MEI1: variants seen among roughly 807,000 people sequenced by gnomAD.
The protein encoded by MEI1 is meiosis inhibitor protein 1.
In MEI1, 103 loss-of-function variants were observed where a neutral mutation model predicts 146.2. That is an observed-to-expected ratio of 0.70 (90% CI 0.60 to 0.83). MEI1 has a LOEUF of 0.83. Ranked by LOEUF, MEI1 falls within the 40% of genes least tolerant of loss-of-function variation. The pLI is 0.00. For synonymous variants in MEI1, 652 were observed against 628.2 expected (o/e 1.04, Z -0.57); for missense variants, 1,529 against 1,533.0 (o/e 1.00, Z 0.04).
At chr22:41,792,430 T>C (rs537009560) in intron 26 of MEI1, among the ~76,000 whole-genome samples, 34 of 152,312 alleles carry the variant, frequency 2.2e-4, no homozygotes, top group African/African-American at 7.9e-4. Context: ...TTTTTACTAA[T>C]CTTTATGTTC....
chr22:41,781,230 T>C, intron 22 of MEI1, 54 bp from the exon 23 acceptor site: 1 of 1,317,258 alleles, frequency 7.6e-7, no homozygotes, highest in Non-Finnish European at 1.1e-6. Context: ...CTACCACCTA[T>C]GACAAGTGTG....
At chr22:41,790,674 A>G (rs1483553971) in intron 26 of MEI1, among the ~76,000 whole-genome samples, 2 of 151,294 alleles carry the variant, frequency 1.3e-5, no homozygotes, top group Non-Finnish European at 3.0e-5. Flanking sequence ...CTCACTTACA[A>G]CCTCTGCCTC....
intron 15 of MEI1, chr22:41,752,361 A>G (rs1241354926): frequency 5.6e-6 from 3 of 533,004 alleles, no homozygotes; most frequent in Non-Finnish European, 6.8e-6. Context: ...TTCTCCATAC[A>G]TTTATCTTAC....
chr22:41,777,006 G>A (rs754803369), intron 21 of MEI1, among the ~76,000 whole-genome samples: 20 of 151,660 alleles, frequency 1.3e-4, no homozygotes, highest in Non-Finnish European at 2.6e-4. Context: ...CAGGAGAGAC[G>A]GGGTTTCACC....
At chr22:41,716,273 C>T (rs2070143210) in intron 5 of MEI1, 127 bp downstream of exon 5, 7 of 630,866 alleles carry the variant, frequency 1.1e-5, no homozygotes, top group Middle Eastern at 3.6e-4. Context: ...TTCAGTTTCC[C>T]CGTCTGCAAA....
At chr22:41,749,253 G>A (rs2073569211) in intron 15 of MEI1, among the ~76,000 whole-genome samples, 1 of 150,562 alleles carries the variant, frequency 6.6e-6, no homozygotes, top group Admixed American at 6.7e-5. Context: ...GCCCTTGTTG[G>A]CCATGTGAGG....
In MEI1 at chr22:41,761,841, A is replaced by T. The variant is rs536099021; in HGVS notation, c.2121-1333A>T. Among the ~76,000 whole-genome samples the T allele has an allele frequency of 8.5e-5, 13 of 152,254 alleles. No individual in the cohort carries two copies. In the South Asian group the frequency reaches 2.5e-3, roughly 29 times the overall value. ...CTGTTCTGTCTCTTTGGAGTTACCTATTCTGAATATTTCACATAGATGGAA... is the reference window on the plus strand; with the variant it reads ...CTGTTCTGTCTCTTTGGAGTTACCTTTTCTGAATATTTCACATAGATGGAA... On this transcript the variant is annotated intron_variant, in intron 18 of 30. Coordinates refer to ENST00000401548, the MANE Select transcript of MEI1 (RefSeq NM_152513.4).
At chr22:41,755,868 G>A (rs1052148666) in intron 17 of MEI1, among the ~76,000 whole-genome samples, 1 of 152,064 alleles carries the variant, frequency 6.6e-6, no homozygotes, top group South Asian at 2.1e-4. Flanking sequence ...TGGGACATGC[G>A]CTATCCTCAC....
At chr22:41,776,332 C>T in intron 21 of MEI1, 65 bp downstream of exon 21, 1 of 1,543,030 alleles carries the variant, frequency 6.5e-7, no homozygotes, top group East Asian at 2.3e-5. Context: ...GCATCTCTAC[C>T]CTTGTTAGGT....
chr22:41,745,962 C>G lies in MEI1; in HGVS notation c.1616C>G (p.Thr539Ser). The G allele has an allele frequency of 6.2e-7, 1 of 1,613,458 alleles. No individual in the cohort carries two copies. The highest frequency in any genetic ancestry group is 1.1e-5 in the South Asian group (1 of 91,012). ...FTAPSAKKED[T>S]LEAFSEFLLS... The stretch of plus-strand genomic sequence containing the variant: ...GCTCCCAGCGCCAAGAAGGAAGACA[C>G]CTTGGAGGCCTTCTCAGAATTTCTT... The change falls in exon 14 of 31, where the codon ACC (threonine) becomes AGC (serine). Residue 539 changes from threonine (T) to serine (S), a missense_variant. By Grantham distance (58) the Thr-to-Ser change is moderately conservative (BLOSUM62 1). Around this residue, in one of 3 missense-constraint regions of MEI1, gnomAD observed 1,212 missense variants for 1,178.9 expected, o/e 1.03. Transcript: ENST00000401548.
chr22:41,747,709 A>G (rs1354085767), intron 14 of MEI1, among the ~76,000 whole-genome samples: 2 of 151,212 alleles, frequency 1.3e-5, no homozygotes, highest in Non-Finnish European at 2.9e-5. Flanking sequence ...GTCTCAAAGA[A>G]TAAAAAAAAC....
chr22:41,718,449 C>T (rs1388941509), intron 6 of MEI1, among the ~76,000 whole-genome samples, 175 bp downstream of exon 6: 1 of 152,184 alleles, frequency 6.6e-6, no homozygotes, highest in Admixed American at 6.5e-5. Flanking sequence ...GTTGGTATGA[C>T]ATCTTAAGAA....
Position 41,793,032 on chromosome 22 carries a change from C to CTTTTTTTTTTTT in MEI1, c.3346-777_3346-766dup, listed in dbSNP as rs869223251. 4.1e-5 allele frequency among the ~76,000 whole-genome samples: 2 copies of CTTTTTTTTTTTT among 48,450 alleles called. 1 individual carries two copies. The highest frequency in any genetic ancestry group is 1.1e-4 in the Non-Finnish European group (2 of 18,014). 31.8% of individuals were successfully genotyped at this position (48,450 alleles called of 152,430 possible). A position where few individuals can be genotyped will look rare whatever the true frequency, so the allele number is the denominator to read the frequency against. On this transcript the variant is annotated intron_variant, in intron 26 of 30. Transcript: ENST00000401548. ...ATCTTCTTTTCTGAAACAAAGCATT[C>CTTTTTTTTTTTT]TTTTTTTTTTTTTTTTTTTTTTTTT...
At chr22:41,754,558 C>G (rs1285728487) in intron 17 of MEI1, among the ~76,000 whole-genome samples, 1 of 152,086 alleles carries the variant, frequency 6.6e-6, no homozygotes, top group Non-Finnish European at 1.5e-5. Context: ...CTCAGCCTCC[C>G]AAGTAGCTGG....
At chr22:41,700,211 G>A (rs1306943792) in intron 1 of MEI1, among the ~76,000 whole-genome samples, 3 of 152,252 alleles carry the variant, frequency 2.0e-5, no homozygotes, top group Admixed American at 1.3e-4. Context: ...GGGCTCCGAG[G>A]GGACAGGAGT....
In MEI1 at chr22:41,703,361, T is replaced by C; in HGVS notation, c.205T>C (p.Phe69Leu). The part of the protein sequence containing the change: ...LVRKKHMLSC[F>L]QDALVRHTSL... Reference sequence around the variant, plus strand: ...GCGCAAGAAGCACATGTTGTCCTGCTTCCAAGATGCCCTTGTGAGGCATAC... The same window carrying C: ...GCGCAAGAAGCACATGTTGTCCTGCCTCCAAGATGCCCTTGTGAGGCATAC... The change falls in exon 2 of 31, where the codon TTC becomes CTC. Residue 69 changes from phenylalanine (F) to leucine (L), a missense_variant. Transcript: ENST00000401548. The C allele has an allele frequency of 6.2e-7, 1 of 1,612,782 alleles. No homozygotes were observed. Among genetic ancestry groups the C allele is most frequent in the Admixed American group, 1.7e-5 (1 of 59,842 alleles).
In MEI1 at chr22:41,729,750, C is replaced by A; in HGVS notation, c.950C>A (p.Ala317Glu). 6.2e-7 allele frequency: 1 copy of A among 1,609,860 alleles called. No homozygotes were observed. The highest frequency in any genetic ancestry group is 8.5e-7 in the Non-Finnish European group (1 of 1,178,300). Reference sequence around the variant, plus strand: ...CTTGTCCACTCCCCAGCAAAGCATGCGTCAGCCTTCATCCACGCTGACATC... The same window carrying A: ...CTTGTCCACTCCCCAGCAAAGCATGAGTCAGCCTTCATCCACGCTGACATC... Reference protein sequence around the residue: ...AVLVHSPAKHASAFIHADIPE... With the variant: ...AVLVHSPAKHESAFIHADIPE... The change falls in exon 8 of 31, where the codon GCG becomes GAG. Residue 317 changes from alanine (A) to glutamate (E), a missense_variant. Around this residue, in one of 3 missense-constraint regions of MEI1, gnomAD observed 1,212 missense variants for 1,178.9 expected, o/e 1.03. Coordinates refer to ENST00000401548, the MANE Select transcript of MEI1 (RefSeq NM_152513.4).
intron 18 of MEI1, among the ~76,000 whole-genome samples, chr22:41,759,874 G>A (rs189166444): frequency 4.6e-5 from 7 of 151,992 alleles, no homozygotes; most frequent in South Asian, 2.1e-4. Flanking sequence ...TTCTTAAGCC[G>A]TAAGAAATAA....
At chr22:41,749,169 C>T (rs2073560385) in intron 15 of MEI1, among the ~76,000 whole-genome samples, 1 of 152,050 alleles carries the variant, frequency 6.6e-6, no homozygotes, top group Admixed American at 6.6e-5. Flanking sequence ...TTCTTTTATT[C>T]TTGTCACATG....
Sources: gnomAD v4.1 joint callset for allele counts (sites outside exome capture counted in the v4.1 genomes callset) on GRCh38, gnomAD v4.1.1 for gene constraint, gnomAD v4.1.1 regional missense constraint, MANE v1.5 for transcripts, NCBI Gene and HGNC (gene_info 2026-07-23, HGNC 2026-07-21) for gene names.